The following ZBTB34 variants were observed in gnomAD, a reference collection of about 807,000 sequenced individuals.
The protein encoded by ZBTB34 is zinc finger and BTB domain-containing protein 34.
Under a neutral mutation model 33.4 loss-of-function variants are expected in ZBTB34, and 1 was observed. The ratio of observed to expected loss-of-function variants is 0.03; its 90% CI spans 0.01 to 0.14. ZBTB34 has a LOEUF of 0.14. Among genes scored for constraint, ZBTB34 ranks in the 10% least tolerant of loss-of-function variants. The pLI is 1.00. For synonymous variants in ZBTB34, 283 were observed against 253.5 expected (o/e 1.12, Z -1.11); for missense variants, 406 against 657.2 (o/e 0.62, Z 4.18).
chr9:126,861,178 G>T (rs1048822725), intron 1 of ZBTB34, among the ~76,000 whole-genome samples: 2 of 152,194 alleles, frequency 1.3e-5, no homozygotes, highest in African/African-American at 2.4e-5. Context: ...CCGGGCCAGG[G>T]GTCGGCCCTT....
rs762992370 is a variant in ZBTB34 at position 126,880,370 on chromosome 9, C to A, written c.971C>A (p.Ala324Asp). The change falls in exon 2 of 2, where the codon GCC becomes GAC. Residue 324 changes from alanine to aspartate, a missense_variant. This residue lies in a region of ZBTB34 where 123 missense variants were observed against 140.4 expected (regional missense o/e 0.88). Coordinates refer to ENST00000319119, the Ensembl canonical transcript of ZBTB34. This position sits in a 1 kb window ranked among gnomAD's most constrained non-coding sequence, Gnocchi z 6.7. ...CTGAGCTGTTTCCGAGGAGGGCGTG[C>A]CCGCCAGAAGCGGGCTTTGTCTGTC... The A allele has an allele frequency of 6.2e-7, 1 of 1,613,636 alleles. No individual in the cohort carries two copies. Among genetic ancestry groups the A allele is most frequent in the Non-Finnish European group, 8.5e-7 (1 of 1,179,810 alleles).
Position 126,880,982 on chromosome 9 carries a change from A to G in ZBTB34, c.*68A>G. The G allele has an allele frequency of 6.8e-7, 1 of 1,479,710 alleles. No homozygotes were observed. Among genetic ancestry groups the G allele is most frequent in the Non-Finnish European group, 9.0e-7 (1 of 1,107,170 alleles). The allele number at this position is 1,479,710 out of a possible 1,614,324, so 91.7% of individuals were successfully genotyped here. ...CATATTTGTGATTTGCTTTGTTGTAATCTTTGGTTTTCCCAACCATCTGGA... is the reference window on the plus strand; with the variant it reads ...CATATTTGTGATTTGCTTTGTTGTAGTCTTTGGTTTTCCCAACCATCTGGA... On this transcript the variant is annotated 3_prime_UTR_variant, in exon 2 of 2. Coordinates refer to ENST00000319119, the Ensembl canonical transcript of ZBTB34. The surrounding 1 kb of genome is among the most constrained non-coding windows in gnomAD (Gnocchi z 6.7).
chr9:126,862,394 T>C (rs1383626132), intron 1 of ZBTB34, among the ~76,000 whole-genome samples: 1 of 152,172 alleles, frequency 6.6e-6, no homozygotes, highest in Non-Finnish European at 1.5e-5. Context: ...GTTATACCAC[T>C]GTTCAAAGCT....
At chr9:126,876,975 C>T (rs2033371600) in intron 1 of ZBTB34, among the ~76,000 whole-genome samples, 1 of 152,104 alleles carries the variant, frequency 6.6e-6, no homozygotes, top group African/African-American at 2.4e-5. Context: ...TGCACGTTGT[C>T]TTGTCTTAAA....
chr9:126,879,721 A>G lies in ZBTB34; in HGVS notation c.322A>G (p.Thr108Ala). The stretch of plus-strand genomic sequence containing the variant: ...GCTGAAGGATGTTGTCAGTTTTCTG[A>G]CTGCAGCCAGCTTTCTTCAGATGCA... Residue 108 changes from threonine to alanine, a missense_variant, in exon 2 of 2, where the codon ACT (threonine) becomes GCT (alanine). Thr to Ala is a moderately conservative substitution (Grantham distance 58). This residue lies in a region of ZBTB34 where 50 missense variants were observed against 157.9 expected (regional missense o/e 0.32). Coordinates refer to ENST00000319119, the Ensembl canonical transcript of ZBTB34. This position sits in a 1 kb window ranked among gnomAD's most constrained non-coding sequence, Gnocchi z 6.4. 1 of 1,613,524 alleles carries G rather than the reference A, an allele frequency of 6.2e-7. No homozygotes were observed. The highest frequency in any genetic ancestry group is 8.5e-7 in the Non-Finnish European group (1 of 1,179,898).
In ZBTB34 at chr9:126,875,716, T is replaced by C. The variant is rs565380030; in HGVS notation, c.-10-3674T>C. 4.6e-5 allele frequency among the ~76,000 whole-genome samples: 7 copies of C among 152,126 alleles called. No homozygotes were observed. In the South Asian group the frequency reaches 1.5e-3, roughly 32 times the overall value. On this transcript the variant is annotated intron_variant, in intron 1 of 1. Coordinates refer to ENST00000319119, the Ensembl canonical transcript of ZBTB34. Reference sequence around the variant, plus strand: ...TTCCAAGTGATTCTCTTGGGTTTTCTCTAAATAATTTGCATATTATATCTG... The same window carrying C: ...TTCCAAGTGATTCTCTTGGGTTTTCCCTAAATAATTTGCATATTATATCTG...
chr9:126,869,162 G>A lies in ZBTB34; in HGVS notation c.-11+8423G>A, dbSNP rs555658080. Among the ~76,000 whole-genome samples the A allele has an allele frequency of 3.8e-4, 58 of 151,962 alleles. No homozygotes were observed. In the South Asian group the frequency reaches 5.0e-3, roughly 13 times the overall value. ...GCCCTCATTTGCCCTTCTCTATTCT[G>A]GGCAGCAATAGGGAGGATGTTTGCC... On this transcript the variant is annotated intron_variant, in intron 1 of 1. Coordinates refer to ENST00000319119, the Ensembl canonical transcript of ZBTB34.
Position 126,880,916 on chromosome 9 carries a change from A to G in ZBTB34, c.*2A>G. On this transcript the variant is annotated 3_prime_UTR_variant, in exon 2 of 2. Transcript: ENST00000319119. The surrounding 1 kb of genome is among the most constrained non-coding windows in gnomAD (Gnocchi z 6.7). ...ACAGTGTCTGATGCTCCCGATTAAGATGGTAAAGAAGTGCACCCAAACAAA... is the reference window on the plus strand; with the variant it reads ...ACAGTGTCTGATGCTCCCGATTAAGGTGGTAAAGAAGTGCACCCAAACAAA... The G allele has an allele frequency of 6.2e-7, 1 of 1,603,888 alleles. No individual in the cohort carries two copies. Among genetic ancestry groups the G allele is most frequent in the African/African-American group, 1.3e-5 (1 of 74,540 alleles).
intron 1 of ZBTB34, among the ~76,000 whole-genome samples, chr9:126,863,426 A>AC (rs1030651917): frequency 1.3e-5 from 2 of 152,176 alleles, no homozygotes; most frequent in African/African-American, 4.8e-5. Flanking sequence ...GGATTTCTGC[A>AC]CCGCTGTGTC....
At chr9:126,872,248 G>T (rs940917368) in intron 1 of ZBTB34, among the ~76,000 whole-genome samples, 1 of 152,168 alleles carries the variant, frequency 6.6e-6, no homozygotes, top group African/African-American at 2.4e-5. Context: ...ACCGCGCCCG[G>T]CCTACAAAAA....
At chr9:126,873,409 G>A (rs989828015) in intron 1 of ZBTB34, among the ~76,000 whole-genome samples, 3 of 151,738 alleles carry the variant, frequency 2.0e-5, no homozygotes, top group African/African-American at 7.3e-5. Flanking sequence ...GACTACAGGC[G>A]CCCACCATCT....
chr9:126,885,382 C>G (rs1266831787), exon 2 of ZBTB34: 1 of 167,108 alleles, frequency 6.0e-6, no homozygotes, highest in African/African-American at 2.4e-5. Context: ...AACCTTTGGA[C>G]TTGCTGCCCA....
chr9:126,874,036 C>CTTTTT lies in ZBTB34; in HGVS notation c.-10-5333_-10-5329dup, dbSNP rs781115278. Among the ~76,000 whole-genome samples, 52 of 66,078 alleles carry CTTTTT rather than the reference C, an allele frequency of 7.9e-4. 1 individual carries two copies. The highest frequency in any genetic ancestry group is 9.9e-4 in the Non-Finnish European group (36 of 36,464). 43.3% of individuals were successfully genotyped at this position (66,078 alleles called of 152,430 possible). A position where few individuals can be genotyped will look rare whatever the true frequency, so the allele number is the denominator to read the frequency against. ...TGTGAGAGACTCTGCTGTGTATGTT[C>CTTTTT]TTTTTTTTTTTTTTTTTTTTTTTTT... On this transcript the variant is annotated intron_variant, in intron 1 of 1. Coordinates refer to ENST00000319119, the Ensembl canonical transcript of ZBTB34.
intron 1 of ZBTB34, among the ~76,000 whole-genome samples, chr9:126,873,515 C>T (rs1444337800): frequency 6.6e-6 from 1 of 152,174 alleles, no homozygotes; most frequent in African/African-American, 2.4e-5. Flanking sequence ...ACGCCTAACT[C>T]GGCCTCCCAA....
At chr9:126,875,210 A>G (rs1679959425) in intron 1 of ZBTB34, among the ~76,000 whole-genome samples, 2 of 152,198 alleles carry the variant, frequency 1.3e-5, no homozygotes, top group African/African-American at 4.8e-5. Context: ...ACTTTCTGAT[A>G]TTGATTACAT....
chr9:126,885,134 CAT>C (rs1469319351), exon 2 of ZBTB34: 1 of 167,078 alleles, frequency 6.0e-6, no homozygotes, highest in Non-Finnish European at 1.5e-5. Flanking sequence ...ATGGTTGTCA[CAT>C]GTCACATGCG....
chr9:126,877,914 G>T (rs978239074), intron 1 of ZBTB34, among the ~76,000 whole-genome samples: 1 of 152,066 alleles, frequency 6.6e-6, no homozygotes, highest in African/African-American at 2.4e-5. Flanking sequence ...TGAGGCAGGA[G>T]GATCACTTGA....
chr9:126,867,793 T>A (rs1167537429), intron 1 of ZBTB34, among the ~76,000 whole-genome samples: 2 of 151,874 alleles, frequency 1.3e-5, no homozygotes, highest in African/African-American at 4.8e-5. Flanking sequence ...ATAAGTCTTT[T>A]TAAAATACTG....
chr9:126,874,962 A>G (rs1282627615), intron 1 of ZBTB34, among the ~76,000 whole-genome samples: 1 of 152,252 alleles, frequency 6.6e-6, no homozygotes, highest in Non-Finnish European at 1.5e-5. Context: ...CACTTAATAC[A>G]TACTTAGCCA....
Sources: allele counts gnomAD v4.1 joint callset (sites outside exome capture counted in the v4.1 genomes callset), GRCh38; gene constraint gnomAD v4.1.1; regional missense constraint gnomAD v4.1.1; non-coding constraint Gnocchi (gnomAD v3.1); transcripts MANE v1.5; gene names NCBI Gene and HGNC (gene_info 2026-07-23, HGNC 2026-07-21).